PHACTR2: variants seen among roughly 807,000 people sequenced by gnomAD.
PHACTR2 encodes chromosome 6 open reading frame 56.
A neutral mutation model predicts 76.0 loss-of-function variants in PHACTR2; 30 were observed. That is an observed-to-expected ratio of 0.39 (90% CI 0.30 to 0.54). PHACTR2 has a LOEUF of 0.54. Among genes scored for constraint, PHACTR2 ranks in the 20% least tolerant of loss-of-function variants. The pLI is 0.61. For missense variants in PHACTR2, 696 were observed against 781.1 expected, an observed-to-expected ratio of 0.89 and a Z score of 1.30; for synonymous variants, 292 against 292.5, an observed-to-expected ratio of 1.00 and a Z score of 0.02.
rs1258431611 is a variant in PHACTR2 at position 143,589,691 on chromosome 6, T to C, written c.217+52484T>C. Among the ~76,000 whole-genome samples the C allele has an allele frequency of 1.3e-5, 2 of 152,192 alleles. No homozygotes were observed. The highest frequency in any genetic ancestry group is 2.9e-5 in the Non-Finnish European group (2 of 68,034). On this transcript the variant is annotated intron_variant, in intron 1 of 11. Coordinates refer to the PHACTR2 transcript ENST00000367584. This position sits in a 1 kb window ranked among gnomAD's most constrained non-coding sequence, Gnocchi z 4.4. ...GCTCACTCTAACAGCTTCATTTTAA[T>C]ACCATCATCTCTTTTAAAGGCCCTA... is the stretch of plus-strand genomic sequence containing the variant.
intron 1 of PHACTR2, among the ~76,000 whole-genome samples, chr6:143,702,400 C>T (rs1004196543): frequency 1.3e-5 from 2 of 152,140 alleles, no homozygotes; most frequent in African/African-American, 4.8e-5. Context: ...AGCCACGGCA[C>T]CCAGCCTGCT....
At chr6:143,555,452 A>G (rs1775160144) in intron 1 of PHACTR2, among the ~76,000 whole-genome samples, 2 of 152,162 alleles carry the variant, frequency 1.3e-5, no homozygotes, top group African/African-American at 4.8e-5. Flanking sequence ...CATGCCTCCA[A>G]CCCTCAATCC....
intron 2 of PHACTR2, among the ~76,000 whole-genome samples, chr6:143,732,383 G>C (rs1416517061): frequency 6.6e-6 from 1 of 152,164 alleles, no homozygotes; most frequent in Non-Finnish European, 1.5e-5. Flanking sequence ...CAATACATAT[G>C]TGGTCTTTTA....
At position 143,581,592 on chromosome 6, in the gene PHACTR2, G is replaced by A. The variant is rs1300080784; in HGVS notation, c.217+44385G>A. Among the ~76,000 whole-genome samples the A allele has an allele frequency of 1.3e-5, 2 of 152,188 alleles. No homozygotes were observed. The highest frequency in any genetic ancestry group is 2.9e-5 in the Non-Finnish European group (2 of 68,036). On this transcript the variant is annotated intron_variant, in intron 1 of 11. Transcript: ENST00000367584. The surrounding 1 kb of genome is among the most constrained non-coding windows in gnomAD (Gnocchi z 4.5). ...ATATGTGTATTAATTATCTATTGCT[G>A]CATGACAAATACGGATCACTCAAGT...
intron 1 of PHACTR2, among the ~76,000 whole-genome samples, chr6:143,706,918 C>T (rs1778066809): frequency 6.6e-6 from 1 of 152,170 alleles, no homozygotes; most frequent in Non-Finnish European, 1.5e-5. Context: ...CTTCTGTGCC[C>T]AGATGTTGTA....
At chr6:143,790,057 G>T (rs1433244350) in intron 11 of PHACTR2, among the ~76,000 whole-genome samples, 1 of 152,172 alleles carries the variant, frequency 6.6e-6, no homozygotes. Context: ...ACGGCCACAT[G>T]TGTGCAGTGA....
chr6:143,670,274 C>G (rs1168448054), intron 1 of PHACTR2, among the ~76,000 whole-genome samples: 1 of 152,170 alleles, frequency 6.6e-6, no homozygotes, highest in Non-Finnish European at 1.5e-5. Flanking sequence ...CTGCCCTTAA[C>G]ATTTTCCCTT....
chr6:143,677,779 C>A (rs1777277298), upstream of PHACTR2, among the ~76,000 whole-genome samples: 1 of 152,226 alleles, frequency 6.6e-6, no homozygotes, highest in Admixed American at 6.5e-5. Context: ...GAGGAGTAGT[C>A]TGAAAGCCTG....
Position 143,789,596 on chromosome 6 carries a change from C to G in PHACTR2, c.1845+686C>G, listed in dbSNP as rs1338862458. On this transcript the variant is annotated intron_variant, in intron 11 of 12. Transcript: ENST00000440869. The surrounding 1 kb of genome is among the most constrained non-coding windows in gnomAD (Gnocchi z 5.1). ...TCCATAGGCAAAGATTCGTGCCAAC[C>G]GTTTGTTTTTAAATTGTTCTAATTT... Among the ~76,000 whole-genome samples, 2 of 152,114 alleles carry G rather than the reference C, an allele frequency of 1.3e-5. No individual in the cohort carries two copies. The highest frequency in any genetic ancestry group is 2.9e-5 in the Non-Finnish European group (2 of 68,010).
Position 143,608,633 on chromosome 6 carries a change from A to T in PHACTR2, c.13+311A>T, listed in dbSNP as rs78507527. ...CGATGGGTGGAAAATGCATACAGTT[A>T]GTGAAAAAACTATTACTAAGGGATG... On this transcript the variant is annotated intron_variant, in intron 1 of 11. Transcript: ENST00000305766. The surrounding 1 kb of genome is among the most constrained non-coding windows in gnomAD (Gnocchi z 4.6). 6.3e-3 allele frequency among the ~76,000 whole-genome samples: 967 copies of T among 152,336 alleles called. 22 individuals are homozygous for T. In the East Asian group the frequency reaches 0.091, roughly 14 times the overall value.
intron 2 of PHACTR2, among the ~76,000 whole-genome samples, chr6:143,721,060 G>T (rs1167899314): frequency 6.6e-6 from 1 of 152,074 alleles, no homozygotes; most frequent in Non-Finnish European, 1.5e-5. Flanking sequence ...ACTCAAATTC[G>T]CAAGGCAGAT....
chr6:143,701,430 G>A lies in PHACTR2; in HGVS notation c.47-10586G>A, dbSNP rs117030727. 3.4e-3 allele frequency among the ~76,000 whole-genome samples: 517 copies of A among 152,312 alleles called. 1 individual carries two copies. Among genetic ancestry groups the A allele is most frequent in the Non-Finnish European group, 5.8e-3 (396 of 68,038 alleles). ...ATAGAGTACACTGCCTGCCGCCAGC[G>A]TGAAATTAACCGTGATGACACTGGG... On this transcript the variant is annotated intron_variant, in intron 1 of 12. Transcript: ENST00000440869.
chr6:143,551,075 G>A (rs1775088295), intron 1 of PHACTR2, among the ~76,000 whole-genome samples: 1 of 151,688 alleles, frequency 6.6e-6, no homozygotes, highest in South Asian at 2.1e-4. Context: ...AAACCCCAAA[G>A]ACTAACACAT....
At position 143,592,149 on chromosome 6, in the gene PHACTR2, T is replaced by G. The variant is rs972984086; in HGVS notation, c.217+54942T>G. Among the ~76,000 whole-genome samples, 2 of 152,182 alleles carry G rather than the reference T, an allele frequency of 1.3e-5. No homozygotes were observed. The highest frequency in any genetic ancestry group is 3.9e-4 in the East Asian group (2 of 5,192). On this transcript the variant is annotated intron_variant, in intron 1 of 11. Coordinates refer to the PHACTR2 transcript ENST00000367584. This position sits in a 1 kb window ranked among gnomAD's most constrained non-coding sequence, Gnocchi z 4.0. ...GTTCCAGATCATTATGAAGGTGTAT[T>G]GGTTAAGGCTGGAGGATAGAACATA...
intron 2 of PHACTR2, among the ~76,000 whole-genome samples, chr6:143,740,996 C>G (rs1236078656): frequency 6.6e-6 from 1 of 152,236 alleles, no homozygotes; most frequent in African/African-American, 2.4e-5. Flanking sequence ...CGCCTGTCAT[C>G]CCAGCACTTT....
intron 2 of PHACTR2, among the ~76,000 whole-genome samples, chr6:143,736,812 G>A (rs1235528692): frequency 6.6e-6 from 1 of 151,608 alleles, no homozygotes; most frequent in African/African-American, 2.4e-5. Flanking sequence ...CTGACCTCGT[G>A]ATCCGCCCGC....
chr6:143,573,541 A>G (rs1167211237), intron 1 of PHACTR2, among the ~76,000 whole-genome samples: 1 of 151,124 alleles, frequency 6.6e-6, no homozygotes, highest in Non-Finnish European at 1.5e-5. Context: ...CTACCTCCAA[A>G]CCAGTTTTGT....
Position 143,621,016 on chromosome 6 carries a change from C to A in PHACTR2, c.13+12694C>A, listed in dbSNP as rs543400187. Among the ~76,000 whole-genome samples, 1 of 152,308 alleles carries A rather than the reference C, an allele frequency of 6.6e-6. No homozygotes were observed. Among genetic ancestry groups the A allele is most frequent in the African/African-American group, 2.4e-5 (1 of 41,558 alleles). ...GAGGCTCATTAATTAGTGGAGCCCA[C>A]ATATGCAGGGCATATACTTATATGG... On this transcript the variant is annotated intron_variant, in intron 1 of 11. Transcript: ENST00000305766. The surrounding 1 kb of genome is among the most constrained non-coding windows in gnomAD (Gnocchi z 4.1).
In PHACTR2 at chr6:143,602,154, C is replaced by G. The variant is rs1775820643; in HGVS notation, c.217+64947C>G. Among the ~76,000 whole-genome samples, 1 of 152,194 alleles carries G rather than the reference C, an allele frequency of 6.6e-6. No individual in the cohort carries two copies. Among genetic ancestry groups the G allele is most frequent in the African/African-American group, 2.4e-5 (1 of 41,440 alleles). On this transcript the variant is annotated intron_variant, in intron 1 of 11. Coordinates refer to the PHACTR2 transcript ENST00000367584. This position sits in a 1 kb window ranked among gnomAD's most constrained non-coding sequence, Gnocchi z 6.1. ...AGTTTTGTTTTCACTCTCGCTCTCC[C>G]CCTCCCTAATAGTTTTATGGTTTTG...
Sources: allele counts gnomAD v4.1 joint callset (sites outside exome capture counted in the v4.1 genomes callset), GRCh38; gene constraint gnomAD v4.1.1; non-coding constraint Gnocchi (gnomAD v3.1); transcripts MANE v1.5; gene names NCBI Gene and HGNC (gene_info 2026-07-23, HGNC 2026-07-21).